Variants in FSTL5 observed in about 807,000 individuals in gnomAD.
The protein encoded by FSTL5 is follistatin-related protein 5.
Under a neutral mutation model 89.1 loss-of-function variants are expected in FSTL5, and 62 were observed. The ratio of observed to expected loss-of-function variants is 0.70; its 90% CI spans 0.57 to 0.86. The LOEUF is 0.86. FSTL5 is among the 40% of genes least tolerant of loss of function. The pLI is 0.00. For missense variants in FSTL5, 1,057 were observed against 1,001.6 expected (o/e 1.06, Z -0.75); for synonymous variants, 383 against 346.2 (o/e 1.11, Z -1.18).
intron 13 of FSTL5, 97 bp from the exon 14 acceptor site, chr4:161,459,416 A>C: frequency 1.5e-6 from 1 of 689,056 alleles, no homozygotes; most frequent in Non-Finnish European, 2.4e-6. Flanking sequence ...ATGTCAGATT[A>C]AAAATTTAAT....
At chr4:161,435,694 G>A (rs964122085) in intron 15 of FSTL5, among the ~76,000 whole-genome samples, 3 of 150,434 alleles carry the variant, frequency 2.0e-5, no homozygotes, top group Non-Finnish European at 4.4e-5. Flanking sequence ...CCATATATAT[G>A]TATATATTAT....
intron 15 of FSTL5, among the ~76,000 whole-genome samples, chr4:161,431,444 C>T (rs1285007113): frequency 6.8e-6 from 1 of 147,368 alleles, no homozygotes; most frequent in Non-Finnish European, 1.5e-5. Flanking sequence ...ATGGTAACCT[C>T]AAATAAAAAA....
intron 4 of FSTL5, among the ~76,000 whole-genome samples, chr4:161,842,432 G>A (rs1731238953): frequency 1.3e-5 from 2 of 152,034 alleles, no homozygotes; most frequent in South Asian, 4.2e-4. Context: ...AATAAAATTG[G>A]TATCTCTTTA....
chr4:162,101,368 TTAA>T (rs1694383216), intron 2 of FSTL5, among the ~76,000 whole-genome samples: 1 of 152,232 alleles, frequency 6.6e-6, no homozygotes, highest in Admixed American at 6.5e-5. Context: ...TAGTAGGTAC[TTAA>T]TAAATATTTG....
chr4:161,671,916 G>A (rs1277791263), intron 6 of FSTL5, among the ~76,000 whole-genome samples: 1 of 152,010 alleles, frequency 6.6e-6, no homozygotes, highest in Non-Finnish European at 1.5e-5. Flanking sequence ...ATCAAAATAC[G>A]AATTCCCAGG....
intron 3 of FSTL5, among the ~76,000 whole-genome samples, chr4:161,953,052 T>C (rs1056609309): frequency 4.0e-5 from 6 of 151,792 alleles, no homozygotes; most frequent in Admixed American, 3.9e-4. Flanking sequence ...TAGACATTTA[T>C]GTTCCTGAAG....
At chr4:161,483,300 G>A (rs1188486182) in intron 12 of FSTL5, among the ~76,000 whole-genome samples, 3 of 152,238 alleles carry the variant, frequency 2.0e-5, no homozygotes, top group Admixed American at 2.0e-4. Context: ...ACTAAGGTTG[G>A]TGAAAGGCTC....
chr4:161,721,879 G>A (rs1739231136), intron 6 of FSTL5, among the ~76,000 whole-genome samples: 1 of 152,198 alleles, frequency 6.6e-6, no homozygotes, highest in Admixed American at 6.5e-5. Context: ...AAAATAGTTT[G>A]CAAAGGGATA....
intron 5 of FSTL5, among the ~76,000 whole-genome samples, chr4:161,766,956 A>C (rs978090270): frequency 6.8e-6 from 1 of 148,102 alleles, no homozygotes; most frequent in Non-Finnish European, 1.5e-5. Flanking sequence ...AGATAGATAG[A>C]TCTCACTCCT....
chr4:161,965,741 C>T (rs1034467415), intron 3 of FSTL5, among the ~76,000 whole-genome samples: 2 of 152,084 alleles, frequency 1.3e-5, no homozygotes, highest in Admixed American at 6.6e-5. Flanking sequence ...CTTGTTCATG[C>T]TGTGCTGGGC....
intron 7 of FSTL5, among the ~76,000 whole-genome samples, chr4:161,601,605 A>C (rs1734240055): frequency 6.6e-6 from 1 of 152,130 alleles, no homozygotes; most frequent in Admixed American, 6.6e-5. Context: ...AGCAAGCAAC[A>C]GCAAACTACC....
chr4:161,590,969 G>T (rs1183955814), intron 7 of FSTL5, among the ~76,000 whole-genome samples: 4 of 152,138 alleles, frequency 2.6e-5, no homozygotes, highest in African/African-American at 9.7e-5. Flanking sequence ...GCAAATGTAT[G>T]CAAATGTGCA....
intron 15 of FSTL5, among the ~76,000 whole-genome samples, chr4:161,442,473 T>A (rs1235340324): frequency 6.6e-6 from 1 of 152,126 alleles, no homozygotes; most frequent in Non-Finnish European, 1.5e-5. Context: ...CATATGGTAT[T>A]ATTCAGGTGG....
intron 1 of FSTL5, among the ~76,000 whole-genome samples, chr4:162,152,492 T>C (rs1733265357): frequency 6.6e-6 from 1 of 152,158 alleles, no homozygotes; most frequent in Admixed American, 6.6e-5. Flanking sequence ...ATTACTATTA[T>C]TTCTTTTGCT....
chr4:162,037,645 A>G (rs1409039242), intron 2 of FSTL5, among the ~76,000 whole-genome samples: 2 of 151,900 alleles, frequency 1.3e-5, no homozygotes, highest in Non-Finnish European at 2.9e-5. Context: ...TACCAATGCA[A>G]ATCTGTCTAA....
intron 7 of FSTL5, among the ~76,000 whole-genome samples, chr4:161,605,605 C>A (rs189033950): frequency 1.3e-5 from 2 of 152,044 alleles, no homozygotes; most frequent in Non-Finnish European, 1.5e-5. Context: ...GGTAAAAAAA[C>A]GAATAACCTC....
At chr4:161,511,536 T>C (rs1477448164) in intron 10 of FSTL5, among the ~76,000 whole-genome samples, 3 of 152,118 alleles carry the variant, frequency 2.0e-5, no homozygotes, top group Non-Finnish European at 4.4e-5. Flanking sequence ...AGTATAACTT[T>C]CAATTATGAG....
intron 3 of FSTL5, among the ~76,000 whole-genome samples, chr4:161,942,024 A>G (rs937507899): frequency 1.3e-5 from 2 of 152,008 alleles, no homozygotes; most frequent in Admixed American, 1.3e-4. Context: ...ATTTAACAAC[A>G]TATTCTTAAA....
intron 3 of FSTL5, among the ~76,000 whole-genome samples, chr4:161,992,657 A>G (rs1736145072): frequency 6.6e-6 from 1 of 151,378 alleles, no homozygotes; most frequent in South Asian, 2.1e-4. Flanking sequence ...AGCCTAATCA[A>G]CATGGCGAAA....
Sources: gnomAD v4.1 joint callset for allele counts (sites outside exome capture counted in the v4.1 genomes callset) on GRCh38, gnomAD v4.1.1 for gene constraint, MANE v1.5 for transcripts, NCBI Gene and HGNC (gene_info 2026-07-23, HGNC 2026-07-21) for gene names.